Variants in ARB2A observed in about 807,000 individuals in gnomAD.
The protein encoded by ARB2A is ARB2 cotranscriptional regulator A, also known as cotranscriptional regulator ARB2A.
chr5:93,618,967 G>T, the ARB2A span: 1 of 152,110 alleles, frequency 6.6e-6, no homozygotes. Flanking sequence ...ACAAGTGTTG[G>T]TTTTTTATAA....
At chr5:94,009,087 G>A in the ARB2A span, among the ~76,000 whole-genome samples, 1 of 152,066 alleles carries the variant, frequency 6.6e-6, no homozygotes, top group Admixed American at 6.5e-5. Flanking sequence ...CATGTATTAT[G>A]TCTCAAAATT....
chr5:93,910,493 G>A, the ARB2A span, among the ~76,000 whole-genome samples: 29 of 151,230 alleles, frequency 1.9e-4, no homozygotes, highest in African/African-American at 7.0e-4. Flanking sequence ...AACTACTTAG[G>A]TAAAATAAGC....
the ARB2A span, among the ~76,000 whole-genome samples, chr5:93,914,063 T>C: frequency 1.3e-5 from 2 of 151,944 alleles, no homozygotes; most frequent in African/African-American, 4.8e-5. Flanking sequence ...TTTAGACTAC[T>C]CTTCCTACTC....
At chr5:93,718,181 C>A in the ARB2A span, among the ~76,000 whole-genome samples, 1 of 151,988 alleles carries the variant, frequency 6.6e-6, no homozygotes, top group Non-Finnish European at 1.5e-5. Flanking sequence ...GTGGCTCACA[C>A]CTGTAATCCC....
At chr5:94,035,736 C>A in the ARB2A span, among the ~76,000 whole-genome samples, 1 of 152,140 alleles carries the variant, frequency 6.6e-6, no homozygotes, top group Admixed American at 6.5e-5. Flanking sequence ...AACCATCATT[C>A]TCAGCAAACT....
chr5:93,695,331 C>A, the ARB2A span, among the ~76,000 whole-genome samples: 1 of 151,796 alleles, frequency 6.6e-6, no homozygotes, highest in Non-Finnish European at 1.5e-5. Flanking sequence ...AAAACTTAAA[C>A]AAATTTACAA....
At chr5:93,875,327 G>T in the ARB2A span, among the ~76,000 whole-genome samples, 9 of 152,160 alleles carry the variant, frequency 5.9e-5, 1 homozygote, top group South Asian at 1.9e-3. Flanking sequence ...TGCCTCCTGG[G>T]TTCAAGTGAT....
At chr5:93,681,356 A>C in the ARB2A span, among the ~76,000 whole-genome samples, 1 of 152,144 alleles carries the variant, frequency 6.6e-6, no homozygotes, top group Non-Finnish European at 1.5e-5. Context: ...TGGCCTATAA[A>C]TTAAACTTAA....
chr5:94,027,138 A>T, the ARB2A span, among the ~76,000 whole-genome samples: 1 of 152,212 alleles, frequency 6.6e-6, no homozygotes, highest in Non-Finnish European at 1.5e-5. Flanking sequence ...GGGTAATAAG[A>T]TAAGAGTCTA....
chr5:93,891,869 AT>A, the ARB2A span, among the ~76,000 whole-genome samples: 1 of 152,274 alleles, frequency 6.6e-6, no homozygotes, highest in East Asian at 1.9e-4. Flanking sequence ...ACAAGGGGTG[AT>A]ATGCATGTGC....
chr5:94,085,645 G>A, the ARB2A span, among the ~76,000 whole-genome samples: 1 of 152,192 alleles, frequency 6.6e-6, no homozygotes, highest in Non-Finnish European at 1.5e-5. Context: ...CAATGTGGTA[G>A]AAGTTTATAC....
chr5:93,957,787 C>A, the ARB2A span, among the ~76,000 whole-genome samples: 1 of 151,992 alleles, frequency 6.6e-6, no homozygotes, highest in Non-Finnish European at 1.5e-5. Flanking sequence ...TTACCTTTGA[C>A]TTTTGTAATC....
the ARB2A span, among the ~76,000 whole-genome samples, chr5:93,992,978 T>C: frequency 2.0e-5 from 3 of 152,144 alleles, no homozygotes; most frequent in African/African-American, 7.2e-5. Flanking sequence ...CTAAAATCTA[T>C]ACAAGAAACA....
the ARB2A span, among the ~76,000 whole-genome samples, chr5:93,959,468 T>C: frequency 6.6e-6 from 1 of 152,048 alleles, no homozygotes. Flanking sequence ...ATATTGCACC[T>C]ATAATAAAAA....
the ARB2A span, among the ~76,000 whole-genome samples, chr5:94,084,213 G>A: frequency 1.4e-5 from 2 of 147,232 alleles, no homozygotes; most frequent in Admixed American, 6.9e-5. Context: ...GGCAGAGGTC[G>A]CAGGGAGCAC....
the ARB2A span, among the ~76,000 whole-genome samples, chr5:93,820,781 G>C: frequency 6.6e-6 from 1 of 151,986 alleles, no homozygotes; most frequent in South Asian, 2.1e-4. Flanking sequence ...TGTCTTTAAT[G>C]ACTAAATCCT....
chr5:93,955,914 G>A, the ARB2A span, among the ~76,000 whole-genome samples: 1 of 152,158 alleles, frequency 6.6e-6, no homozygotes, highest in Non-Finnish European at 1.5e-5. Flanking sequence ...GAGACCAGTG[G>A]AAATGCCTAA....
the ARB2A span, among the ~76,000 whole-genome samples, chr5:93,655,708 G>C: frequency 6.6e-6 from 1 of 152,144 alleles, no homozygotes; most frequent in Non-Finnish European, 1.5e-5. Flanking sequence ...TACAAAGACT[G>C]TATATTGTTT....
the ARB2A span, among the ~76,000 whole-genome samples, chr5:93,827,700 G>A: frequency 6.6e-6 from 1 of 151,534 alleles, no homozygotes; most frequent in Non-Finnish European, 1.5e-5. Flanking sequence ...GTAATGCCTA[G>A]GTTTTCTTCT....
Sources: allele counts gnomAD v4.1 joint callset (sites outside exome capture counted in the v4.1 genomes callset), GRCh38; gene constraint gnomAD v4.1.1; transcripts MANE v1.5; gene names NCBI Gene and HGNC (gene_info 2026-07-23, HGNC 2026-07-21).